Variants in IQSEC1 observed in about 807,000 individuals in gnomAD.
IQSEC1 encodes the protein IQ motif and SEC7 domain-containing protein 1.
In IQSEC1, 31 loss-of-function variants were observed where a neutral mutation model predicts 91.0. That is an observed-to-expected ratio of 0.34 (90% CI 0.26 to 0.46). The LOEUF is 0.46. Among genes scored for constraint, IQSEC1 ranks in the 20% least tolerant of loss-of-function variants. The pLI, the probability that IQSEC1 is intolerant of heterozygous loss-of-function variation, is 1.00. For missense variants in IQSEC1, 1,388 were observed against 1,575.6 expected (o/e 0.88, Z 2.02); for synonymous variants, 699 against 662.6 (o/e 1.05, Z -0.84).
chr3:13,145,814 G>GT (rs922402954), intron 2 of IQSEC1, among the ~76,000 whole-genome samples: 3 of 132,492 alleles, frequency 2.3e-5, no homozygotes, highest in African/African-American at 5.4e-5. Context: ...CGGGGGGGGG[G>GT]GGTCCTGATC....
intron 1 of IQSEC1, among the ~76,000 whole-genome samples, chr3:12,955,438 G>C (rs1047846001): frequency 6.6e-6 from 1 of 152,226 alleles, no homozygotes; most frequent in Non-Finnish European, 1.5e-5. Context: ...CCAGCTGGCA[G>C]GGGGGCTGTG....
intron 1 of IQSEC1, among the ~76,000 whole-genome samples, chr3:13,171,772 C>G (rs1420111485): frequency 6.6e-6 from 1 of 152,182 alleles, no homozygotes; most frequent in Non-Finnish European, 1.5e-5. Context: ...TCCTCCCTCT[C>G]CCTGGGGCCA....
At position 13,073,016 on chromosome 3, in the gene IQSEC1, C is replaced by G; in HGVS notation, c.-2G>C. ...CAAATAGCGTCTTCTGCAAGCCATC[C>G]TGTGTGAATCCGTTCTTCCCTGTTC... On this transcript the variant is annotated 5_prime_UTR_variant, in exon 1 of 14. Transcript: ENST00000613206. 1 of 1,551,774 alleles carries G rather than the reference C, an allele frequency of 6.4e-7. No individual in the cohort carries two copies. Among genetic ancestry groups the G allele is most frequent in the Non-Finnish European group, 8.7e-7 (1 of 1,147,000 alleles).
chr3:13,271,160 G>C (rs1209082770), intron 1 of IQSEC1, among the ~76,000 whole-genome samples: 1 of 151,842 alleles, frequency 6.6e-6, no homozygotes, highest in African/African-American at 2.4e-5. Flanking sequence ...GGCTGATCAC[G>C]AGGTCAGGGG....
chr3:12,997,941 A>G (rs1169773167), intron 1 of IQSEC1, among the ~76,000 whole-genome samples: 1 of 152,262 alleles, frequency 6.6e-6, no homozygotes, highest in Admixed American at 6.5e-5. Flanking sequence ...TAAAGTGAAT[A>G]AAAATTATTG....
At chr3:13,045,826 G>A (rs1474673917) in intron 1 of IQSEC1, among the ~76,000 whole-genome samples, 1 of 152,236 alleles carries the variant, frequency 6.6e-6, no homozygotes, top group Non-Finnish European at 1.5e-5. Flanking sequence ...CCTGACACAG[G>A]AACCCACACG....
At chr3:12,990,572 T>C (rs932461444) in intron 1 of IQSEC1, among the ~76,000 whole-genome samples, 2 of 152,212 alleles carry the variant, frequency 1.3e-5, no homozygotes, top group Non-Finnish European at 2.9e-5. Context: ...CACAGCTGGC[T>C]TTCTATGCTG....
intron 1 of IQSEC1, among the ~76,000 whole-genome samples, chr3:13,038,258 GTGTGTATATATATA>G (rs1295748898): frequency 2.1e-3 from 109 of 51,380 alleles, no homozygotes; most frequent in African/African-American, 6.4e-3. Flanking sequence ...ATGTGTGTGT[GTGTGTATATATATA>G]TATATATATA....
At chr3:13,267,853 G>A (rs867444507) in intron 1 of IQSEC1, among the ~76,000 whole-genome samples, 17 of 152,056 alleles carry the variant, frequency 1.1e-4, no homozygotes, top group Middle Eastern at 6.8e-3. Flanking sequence ...TCCTGACCTC[G>A]TGATCCACCC....
intron 2 of IQSEC1, among the ~76,000 whole-genome samples, chr3:12,938,893 C>T (rs137997588): frequency 1.3e-5 from 2 of 152,330 alleles, no homozygotes; most frequent in African/African-American, 4.8e-5. Context: ...ACCAGAGCCC[C>T]TGGCAGTTCC....
At position 12,908,376 on chromosome 3, in the gene IQSEC1, T is replaced by C. The variant is rs1695213407; in HGVS notation, c.2728A>G (p.Ser910Gly). The C allele has an allele frequency of 6.2e-7, 1 of 1,612,276 alleles. No homozygotes were observed. Among genetic ancestry groups the C allele is most frequent in the Non-Finnish European group, 8.5e-7 (1 of 1,180,020 alleles). The part of the protein sequence containing the change: ...GEGLKRSALS[S>G]SLRDLSEAGK... ...GCTTCCGAGAGGTCCCGCAGGGAGC[T>C]GCTGAGGGCGCTGCGCTTGAGGCCC... The change falls in exon 12 of 14, where the codon AGC becomes GGC. Residue 910 changes from serine (S) to glycine (G), a missense_variant. Transcript: ENST00000613206. The surrounding 1 kb of genome is among the most constrained non-coding windows in gnomAD (Gnocchi z 4.9).
chr3:13,091,974 G>C (rs1705868983), intron 2 of IQSEC1, among the ~76,000 whole-genome samples: 1 of 152,166 alleles, frequency 6.6e-6, no homozygotes, highest in African/African-American at 2.4e-5. Context: ...GCAGTCATGG[G>C]GGAGGTGGTC....
chr3:13,134,858 C>T (rs888206188), intron 2 of IQSEC1, among the ~76,000 whole-genome samples: 5 of 152,130 alleles, frequency 3.3e-5, no homozygotes, highest in African/African-American at 1.2e-4. Flanking sequence ...GCCTCAGAAC[C>T]TGGGAGGGTG....
At chr3:12,982,576 G>A (rs553696378) in intron 1 of IQSEC1, among the ~76,000 whole-genome samples, 54 of 152,330 alleles carry the variant, frequency 3.5e-4, no homozygotes, top group African/African-American at 1.1e-3. Context: ...CACAACCAAC[G>A]CCAGCACCCA....
chr3:13,004,571 G>A (rs1017042213), intron 1 of IQSEC1, among the ~76,000 whole-genome samples: 4 of 152,182 alleles, frequency 2.6e-5, no homozygotes, highest in Non-Finnish European at 5.9e-5. Context: ...AAGTCAAACT[G>A]TCTCCACACA....
intron 3 of IQSEC1, among the ~76,000 whole-genome samples, chr3:12,934,873 G>A (rs1334629270): frequency 6.6e-6 from 1 of 151,992 alleles, no homozygotes; most frequent in Non-Finnish European, 1.5e-5. Flanking sequence ...ACACAGCCCT[G>A]GGTCTGGCCT....
At chr3:13,100,288 G>A (rs1216531976) in intron 2 of IQSEC1, among the ~76,000 whole-genome samples, 1 of 148,230 alleles carries the variant, frequency 6.7e-6, no homozygotes, top group Admixed American at 6.7e-5. Flanking sequence ...TTCCTCTCTT[G>A]TTACCACACT....
At chr3:13,012,158 G>C (rs1702912248) in intron 1 of IQSEC1, among the ~76,000 whole-genome samples, 2 of 152,162 alleles carry the variant, frequency 1.3e-5, no homozygotes, top group Non-Finnish European at 2.9e-5. Flanking sequence ...CCCACATGCA[G>C]GCTTACTTGC....
At chr3:13,219,954 C>A (rs375741977) in intron 1 of IQSEC1, among the ~76,000 whole-genome samples, 1 of 152,252 alleles carries the variant, frequency 6.6e-6, no homozygotes, top group East Asian at 1.9e-4. Context: ...TCACTCCAGG[C>A]GTGGCAACTC....
Sources: gnomAD v4.1 joint callset for allele counts (sites outside exome capture counted in the v4.1 genomes callset) on GRCh38, gnomAD v4.1.1 for gene constraint, Gnocchi (gnomAD v3.1) non-coding constraint, MANE v1.5 for transcripts, NCBI Gene and HGNC (gene_info 2026-07-23, HGNC 2026-07-21) for gene names.